NDUFAF5: variants seen among roughly 807,000 people sequenced by gnomAD.
The protein encoded by NDUFAF5 is NADH:ubiquinone oxidoreductase complex assembly factor 5.
Under a neutral mutation model 48.9 loss-of-function variants are expected in NDUFAF5, and 34 were observed. The observed-to-expected ratio is 0.70, with a 90% confidence interval of 0.53 to 0.93. The LOEUF is 0.93. Ranked by LOEUF, NDUFAF5 falls within the 40% of genes least tolerant of loss-of-function variation. The pLI, the probability that NDUFAF5 is intolerant of heterozygous loss-of-function variation, is 0.00. For synonymous variants in NDUFAF5, 153 were observed against 150.6 expected (o/e 1.02, Z -0.12); for missense variants, 428 against 427.5 (o/e 1.00, Z -0.01).
At chr20:13,817,008 A>G in intron 10 of NDUFAF5, 51 bp downstream of exon 10, 3 of 1,545,374 alleles carry the variant, frequency 1.9e-6, no homozygotes, top group Non-Finnish European at 1.8e-6. Context: ...TGTTCAGATT[A>G]TTGTTTACTA....
chr20:13,816,313 T>C (rs1316623110), intron 8 of NDUFAF5, 150 bp from the exon 9 acceptor site: 3 of 707,588 alleles, frequency 4.2e-6, no homozygotes, highest in Admixed American at 4.0e-5. Flanking sequence ...AACCCAGTTA[T>C]AATCTGAAAG....
At position 13,785,091 on chromosome 20, in the gene NDUFAF5, G is replaced by C. The variant is rs1045938367; in HGVS notation, c.23G>C (p.Trp8Ser). MLRPAGLWRLCRRPWAAR... is the reference protein window; with the variant it reads MLRPAGLSRLCRRPWAAR... ...GAGATGCTGCGGCCGGCAGGGCTCT[G>C]GCGCTTATGTCGGCGACCTTGGGCG... Residue 8 changes from tryptophan to serine, a missense_variant, in exon 1 of 11, where the codon TGG (tryptophan) becomes TCG (serine). Trp to Ser is a radical substitution (Grantham distance 177). Transcript: ENST00000378106. The C allele has an allele frequency of 2.5e-6, 4 of 1,612,872 alleles. No individual in the cohort carries two copies. Among genetic ancestry groups the C allele is most frequent in the Non-Finnish European group, 3.4e-6 (4 of 1,179,896 alleles).
chr20:13,813,243 A>G (rs1011266328), intron 8 of NDUFAF5, among the ~76,000 whole-genome samples: 11 of 152,126 alleles, frequency 7.2e-5, no homozygotes, highest in African/African-American at 2.7e-4. Flanking sequence ...AGTCTCCTAA[A>G]GGTTTTAAAT....
intron 7 of NDUFAF5, among the ~76,000 whole-genome samples, chr20:13,804,059 T>A (rs1460801956): frequency 6.6e-6 from 1 of 152,210 alleles, no homozygotes; most frequent in Non-Finnish European, 1.5e-5. Flanking sequence ...GTGCTGGGAT[T>A]ACAGGCATGA....
chr20:13,798,435 A>C (rs1343368431), intron 5 of NDUFAF5, 26 bp from the exon 6 acceptor site: 1 of 1,585,706 alleles, frequency 6.3e-7, no homozygotes, highest in Admixed American at 1.7e-5. Flanking sequence ...GTTAAGCTAA[A>C]ACAAATCTGT....
intron 8 of NDUFAF5, chr20:13,814,268 G>A (rs1986210998): frequency 2.6e-6 from 1 of 377,986 alleles, no homozygotes; most frequent in Middle Eastern, 3.7e-4. Flanking sequence ...TGGAGGCAGG[G>A]AGACCGTGGG....
intron 7 of NDUFAF5, among the ~76,000 whole-genome samples, chr20:13,805,972 T>C (rs577597755): frequency 6.6e-6 from 1 of 152,244 alleles, no homozygotes; most frequent in East Asian, 1.9e-4. Context: ...TTTCTAAAAA[T>C]TCCCATCCAA....
rs1203055591 is a variant in NDUFAF5, at chr20:13,818,103, C to T, written c.*893C>T. 1 of 454,138 alleles carries T rather than the reference C, an allele frequency of 2.2e-6. No homozygotes were observed. Among genetic ancestry groups the T allele is most frequent in the South Asian group, 1.6e-5 (1 of 64,474 alleles). 28.1% of individuals were successfully genotyped at this position (454,138 alleles called of 1,614,324 possible). ...CCTTCAGTGATCTATAATAGCATTTCCTTCTGTCTCCTCTCAGTCTCTCTT... is the reference window on the plus strand; with the variant it reads ...CCTTCAGTGATCTATAATAGCATTTTCTTCTGTCTCCTCTCAGTCTCTCTT... On this transcript the variant is annotated 3_prime_UTR_variant, in exon 11 of 11. Coordinates refer to ENST00000378106, the MANE Select transcript of NDUFAF5 (RefSeq NM_024120.5).
intron 2 of NDUFAF5, among the ~76,000 whole-genome samples, 193 bp from the exon 3 acceptor site, chr20:13,788,396 G>C (rs113889730): frequency 3.0e-4 from 46 of 152,314 alleles, no homozygotes; most frequent in African/African-American, 1.1e-3. Flanking sequence ...AAGGTCCTGT[G>C]AATAGCTAGC....
At chr20:13,803,448 T>C (rs1241631321) in intron 7 of NDUFAF5, 1 of 152,262 alleles carries the variant, frequency 6.6e-6, no homozygotes. Context: ...TATTTATATT[T>C]GTAATTGTAT....
At position 13,785,417 on chromosome 20, in the gene NDUFAF5, C is replaced by T. The variant is rs58692775; in HGVS notation, c.222+127C>T. On this transcript the variant is annotated intron_variant, in intron 1 of 10. Transcript: ENST00000378106. ...CTGACCTTGACCAGCAGCCCTGCCT[C>T]TTTCGGCCTCTACTGTAATCACGCA... The T allele has an allele frequency of 1.7e-3, 1,291 of 739,080 alleles. 16 individuals are homozygous for T. In the African/African-American group the frequency reaches 0.02, roughly 12 times the overall value. 45.8% of individuals were successfully genotyped at this position (739,080 alleles called of 1,614,324 possible).
intron 5 of NDUFAF5, among the ~76,000 whole-genome samples, chr20:13,796,843 A>T (rs1013759020): frequency 1.3e-5 from 2 of 152,196 alleles, no homozygotes; most frequent in African/African-American, 4.8e-5. Context: ...GCTGCATGTC[A>T]TGGCGCATGC....
intron 5 of NDUFAF5, 134 bp from the exon 6 acceptor site, chr20:13,798,327 G>C (rs975059726): frequency 4.2e-6 from 3 of 719,350 alleles, no homozygotes; most frequent in African/African-American, 1.8e-5. Flanking sequence ...GTATGAAAAC[G>C]ATCAGTGGAT....
chr20:13,797,233 A>G (rs745918222), intron 5 of NDUFAF5, among the ~76,000 whole-genome samples: 7 of 152,214 alleles, frequency 4.6e-5, no homozygotes, highest in Non-Finnish European at 7.3e-5. Context: ...CAGCGATTGC[A>G]TGCTCCTTGG....
chr20:13,785,303 G>C lies in NDUFAF5; in HGVS notation c.222+13G>C, dbSNP rs535445241. 10 of 973,878 alleles carry C rather than the reference G, an allele frequency of 1.0e-5. No individual in the cohort carries two copies. The South Asian group carries it at 1.5e-4, about 15-fold the overall frequency. The allele number at this position is 973,878 out of a possible 1,614,324, so 60.3% of individuals were successfully genotyped here. On this transcript the variant is annotated intron_variant, in intron 1 of 10. Coordinates refer to ENST00000378106, the MANE Select transcript of NDUFAF5 (RefSeq NM_024120.5). ...CCTGAAGGAGGAGGTGAGCCCGCGG[G>C]GCGGCGGGGCGGCGGGGCGGGCGAC... is the stretch of plus-strand genomic sequence containing the variant.
At chr20:13,789,204 G>C (rs1481632792) in intron 3 of NDUFAF5, among the ~76,000 whole-genome samples, 1 of 152,050 alleles carries the variant, frequency 6.6e-6, no homozygotes, top group Non-Finnish European at 1.5e-5. Context: ...TCACTCTGTT[G>C]CCCAGGCTGG....
chr20:13,795,657 A>G (rs1337322427), intron 5 of NDUFAF5, among the ~76,000 whole-genome samples: 1 of 152,122 alleles, frequency 6.6e-6, no homozygotes, highest in Non-Finnish European at 1.5e-5. Flanking sequence ...CATCTCTACA[A>G]AAAATTAAAA....
intron 7 of NDUFAF5, 115 bp downstream of exon 7, chr20:13,801,798 T>G (rs934460852): frequency 8.8e-6 from 7 of 794,818 alleles, no homozygotes; most frequent in Non-Finnish European, 1.4e-5. Context: ...TTTCTCTCCC[T>G]TTTTTTTTCT....
chr20:13,795,943 A>G lies in NDUFAF5; in HGVS notation c.479+1002A>G, dbSNP rs147257250. ...AATGCAAGTATATATCAAATAGGTT[A>G]TAGGATACAAGGCACTGAGCCAGAT... On this transcript the variant is annotated intron_variant, in intron 5 of 10. Transcript: ENST00000378106. Among the ~76,000 whole-genome samples, 209 of 152,374 alleles carry G rather than the reference A, an allele frequency of 1.4e-3. 1 individual carries two copies. The highest frequency in any genetic ancestry group is 4.9e-3 in the African/African-American group (203 of 41,582).
Sources: allele counts gnomAD v4.1 joint callset (sites outside exome capture counted in the v4.1 genomes callset), GRCh38; gene constraint gnomAD v4.1.1; transcripts MANE v1.5; gene names NCBI Gene and HGNC (gene_info 2026-07-23, HGNC 2026-07-21).